The following RASA3 variants were observed in gnomAD, a reference collection of about 807,000 sequenced individuals.
The protein encoded by RASA3 is ras GTPase-activating protein 3.
A neutral mutation model predicts 110.0 loss-of-function variants in RASA3; 73 were observed. The observed-to-expected ratio is 0.66, with a 90% CI of 0.55 to 0.81. RASA3 has a LOEUF of 0.81. RASA3 is among the 30% of genes least tolerant of loss of function. The probability of loss-of-function intolerance (pLI) is 0.00; values close to 1 mark genes in which losing one functional copy is unlikely to be tolerated. For synonymous variants in RASA3, 500 were observed against 451.4 expected, an observed-to-expected ratio of 1.11 and a Z score of -1.37; for missense variants, 976 against 1,113.2, an observed-to-expected ratio of 0.88 and a Z score of 1.75.
rs74116465 is a variant in RASA3 at position 114,072,631 on chromosome 13, G to A, written c.173+1089C>T. Among the ~76,000 whole-genome samples, 1,395 of 152,224 alleles carry A rather than the reference G, an allele frequency of 9.2e-3. 23 individuals carry two copies. The highest frequency in any genetic ancestry group is 0.031 in the African/African-American group (1,305 of 41,514). Reference sequence around the variant, plus strand: ...TGCGAGTCCACGCAGGGGGACCGCCGCCTACATGCACTTCCTGGACAGCGG... The same window carrying A: ...TGCGAGTCCACGCAGGGGGACCGCCACCTACATGCACTTCCTGGACAGCGG... On this transcript the variant is annotated intron_variant, in intron 2 of 23. Transcript: ENST00000334062.
In RASA3 at chr13:114,027,837, G is replaced by C. The variant is rs760046053; in HGVS notation, c.530+10C>G. The stretch of plus-strand genomic sequence containing the variant: ...ACCAGAACAGAAACCTGAAGCGTGA[G>C]GCAACTTGCCTGAAGGGTCCTGCCA... On this transcript the variant is annotated intron_variant, in intron 6 of 23. Transcript: ENST00000334062. 86 of 1,613,108 alleles carry C rather than the reference G, an allele frequency of 5.3e-5. No homozygotes were observed. The Admixed American group carries it at 5.7e-4, about 11-fold the overall frequency.
intron 1 of RASA3, among the ~76,000 whole-genome samples, chr13:114,125,380 C>T (rs1348067279): frequency 6.6e-6 from 1 of 152,150 alleles, no homozygotes; most frequent in African/African-American, 2.4e-5. Flanking sequence ...CGGGAAGCTT[C>T]CAGTCATGGC....
chr13:114,055,752 G>A (rs2079233773), intron 2 of RASA3, among the ~76,000 whole-genome samples: 1 of 152,198 alleles, frequency 6.6e-6, no homozygotes, highest in Non-Finnish European at 1.5e-5. Flanking sequence ...GCTCCCGGCA[G>A]AGCCCCAAGA....
Position 114,080,628 on chromosome 13 carries a change from C to T in RASA3, c.56-6791G>A, listed in dbSNP as rs550936414. On this transcript the variant is annotated intron_variant, in intron 1 of 23. Transcript: ENST00000334062. Reference sequence around the variant, plus strand: ...GGGTGGCAGGAGGGGTCCTAGAAGGCGCCCACTGTGCTTACTGGAGGCCTG... The same window carrying T: ...GGGTGGCAGGAGGGGTCCTAGAAGGTGCCCACTGTGCTTACTGGAGGCCTG... Among the ~76,000 whole-genome samples the T allele has an allele frequency of 6.8e-5, 10 of 148,106 alleles. No individual in the cohort carries two copies. The South Asian group carries it at 1.5e-3, about 22-fold the overall frequency.
intron 3 of RASA3, among the ~76,000 whole-genome samples, chr13:114,044,951 C>G (rs1212954561): frequency 6.6e-6 from 1 of 152,078 alleles, no homozygotes; most frequent in Non-Finnish European, 1.5e-5. Flanking sequence ...AGAAGTACTT[C>G]ACTTAATTTT....
chr13:114,126,736 G>T (rs1422611059), intron 1 of RASA3, among the ~76,000 whole-genome samples: 2 of 152,178 alleles, frequency 1.3e-5, no homozygotes, highest in Non-Finnish European at 2.9e-5. Context: ...CATCTATGAA[G>T]ATCTGAGCGG....
intron 1 of RASA3, among the ~76,000 whole-genome samples, chr13:114,129,846 C>A (rs2080495004): frequency 6.6e-6 from 1 of 152,184 alleles, no homozygotes; most frequent in Non-Finnish European, 1.5e-5. Flanking sequence ...ATGGGCAAAT[C>A]CAGCGCTCCT....
chr13:114,076,158 C>T (rs2079678383), intron 1 of RASA3, among the ~76,000 whole-genome samples: 1 of 152,222 alleles, frequency 6.6e-6, no homozygotes, highest in African/African-American at 2.4e-5. Flanking sequence ...TCCTGAACTG[C>T]AAAAGCAAGA....
chr13:114,062,188 G>GT (rs56360014), intron 2 of RASA3, among the ~76,000 whole-genome samples: 26,256 of 148,710 alleles, frequency 0.18, 2,494 homozygotes, highest in Admixed American at 0.25. Context: ...TTTCCTGTGG[G>GT]TTTTTTTTTT....
At chr13:114,035,053 G>C (rs2054254477) in intron 4 of RASA3, among the ~76,000 whole-genome samples, 1 of 152,130 alleles carries the variant, frequency 6.6e-6, no homozygotes, top group African/African-American at 2.4e-5. Flanking sequence ...CCTGAGCTTA[G>C]AGCAGAAGGG....
At chr13:114,004,921 C>T (rs371579959) in intron 18 of RASA3, among the ~76,000 whole-genome samples, 29 of 152,316 alleles carry the variant, frequency 1.9e-4, no homozygotes, top group African/African-American at 6.7e-4. Context: ...AAATACACCA[C>T]GACATGCTAC....
In RASA3 at chr13:113,996,031, TG is replaced by T. The variant is rs1191871615; in HGVS notation, c.2141+499del. Among the ~76,000 whole-genome samples the T allele has an allele frequency of 2.8e-3, 81 of 28,608 alleles. 1 individual carries two copies. Among genetic ancestry groups the T allele is most frequent in the African/African-American group, 0.012 (66 of 5,540 alleles). 18.8% of individuals were successfully genotyped at this position (28,608 alleles called of 152,430 possible). On this transcript the variant is annotated intron_variant, in intron 21 of 23. Transcript: ENST00000334062. Reference sequence around the variant, plus strand: ...CCCGGCTGATGGGGGACCCGGCTGATGGGGGGGCCCGGCTGATGGGGGGGCC... The same window carrying T: ...CCCGGCTGATGGGGGACCCGGCTGATGGGGGGCCCGGCTGATGGGGGGGCC...
At chr13:114,045,610 G>A (rs908656019) in intron 3 of RASA3, among the ~76,000 whole-genome samples, 16 of 152,122 alleles carry the variant, frequency 1.1e-4, no homozygotes, top group Admixed American at 1.0e-3. Flanking sequence ...AGAAATAAAA[G>A]CCTTTATTCA....
At chr13:113,981,386 C>T (rs967306405) in intron 23 of RASA3, among the ~76,000 whole-genome samples, 1 of 152,224 alleles carries the variant, frequency 6.6e-6, no homozygotes, top group Non-Finnish European at 1.5e-5. Context: ...GAGCACGTGA[C>T]ACCAGTATAG....
chr13:114,000,547 C>G (rs373210984), intron 19 of RASA3, among the ~76,000 whole-genome samples: 2 of 152,188 alleles, frequency 1.3e-5, no homozygotes, highest in African/African-American at 4.8e-5. Context: ...GAGGAAGGGA[C>G]GTGGACAGAA....
chr13:114,093,678 G>C (rs1018601755), intron 1 of RASA3, among the ~76,000 whole-genome samples: 2 of 151,922 alleles, frequency 1.3e-5, no homozygotes, highest in African/African-American at 2.4e-5. Context: ...TTTTAACTCT[G>C]ATAGCTTGAA....
At chr13:113,983,008 A>G (rs1286952886) in intron 22 of RASA3, among the ~76,000 whole-genome samples, 1 of 151,650 alleles carries the variant, frequency 6.6e-6, no homozygotes, top group African/African-American at 2.4e-5. Context: ...CAAACTCACC[A>G]AGAACTTGGT....
At chr13:113,992,715 G>A (rs2053147835) in intron 21 of RASA3, 127 bp from the exon 22 acceptor site, 4 of 777,310 alleles carry the variant, frequency 5.1e-6, no homozygotes, top group Admixed American at 4.2e-5. Flanking sequence ...AATTCGACAG[G>A]ATCGATTTGC....
rs961529647 is a variant in RASA3, at chr13:114,056,758, C to T, written c.174-4603G>A. On this transcript the variant is annotated intron_variant, in intron 2 of 23. Transcript: ENST00000334062. The surrounding 1 kb of genome is among the most constrained non-coding windows in gnomAD (Gnocchi z 5.7). The stretch of plus-strand genomic sequence containing the variant: ...GCAGAAAGAGGAAGCTACAAGAAAA[C>T]ATACGAACTCCATAAAATTATCACC... The T allele has an allele frequency of 2.5e-6, 2 of 803,660 alleles. No homozygotes were observed. The highest frequency in any genetic ancestry group is 3.7e-5 in the African/African-American group (2 of 53,642). The allele number at this position is 803,660 out of a possible 1,614,324, so 49.8% of individuals were successfully genotyped here.
Sources: gnomAD v4.1 joint callset for allele counts (sites outside exome capture counted in the v4.1 genomes callset) on GRCh38, gnomAD v4.1.1 for gene constraint, Gnocchi (gnomAD v3.1) non-coding constraint, MANE v1.5 for transcripts, NCBI Gene and HGNC (gene_info 2026-07-23, HGNC 2026-07-21) for gene names.